MYO1B: variants seen among roughly 807,000 people sequenced by gnomAD.
MYO1B encodes unconventional myosin-Ib.
In MYO1B, 72 loss-of-function variants were observed where a neutral mutation model predicts 159.7. That is an observed-to-expected ratio of 0.45 (90% CI 0.37 to 0.55). The LOEUF (loss-of-function observed/expected upper bound fraction) is 0.55, where lower values mean the gene tolerates loss of function less well. Ranked by LOEUF, MYO1B falls within the 20% of genes least tolerant of loss-of-function variation. MYO1B has a pLI of 0.00. For synonymous variants in MYO1B, 468 were observed against 473.8 expected (o/e 0.99, Z 0.16); for missense variants, 1,062 against 1,364.8 (o/e 0.78, Z 3.50).
intron 22 of MYO1B, 96 bp downstream of exon 22, chr2:191,400,564 T>C: frequency 6.9e-7 from 1 of 1,444,838 alleles, no homozygotes; most frequent in Non-Finnish European, 9.7e-7. Context: ...TTTCACTGGC[T>C]TGAGCTACTG....
chr2:191,354,979 T>C (rs1693177306), intron 7 of MYO1B, among the ~76,000 whole-genome samples: 1 of 152,214 alleles, frequency 6.6e-6, no homozygotes, highest in Non-Finnish European at 1.5e-5. Flanking sequence ...TAATCCCCTC[T>C]CTCATTGATT....
At chr2:191,369,520 T>G (rs755176181) in intron 11 of MYO1B, 22 bp from the exon 12 acceptor site, 1 of 1,578,566 alleles carries the variant, frequency 6.3e-7, no homozygotes, top group Non-Finnish European at 8.7e-7. Flanking sequence ...GTGTTAAGTT[T>G]TGTTTGTTTG....
At chr2:191,356,662 AT>A (rs1298214819) in intron 7 of MYO1B, among the ~76,000 whole-genome samples, 1 of 152,206 alleles carries the variant, frequency 6.6e-6, no homozygotes, top group Non-Finnish European at 1.5e-5. Flanking sequence ...GAATTAATTT[AT>A]TCATTCGTTA....
In MYO1B at chr2:191,408,240, C is replaced by T. The variant is rs755058568; in HGVS notation, c.2631+51C>T. ...ATAATCAGCATTGTGGAATTACCCA[C>T]CTAATATCACCAACTCCATAAAATG... is the stretch of plus-strand genomic sequence containing the variant. On this transcript the variant is annotated intron_variant, in intron 25 of 30. Transcript: ENST00000392318. The T allele has an allele frequency of 2.2e-5, 29 of 1,289,760 alleles. 1 individual carries two copies. The South Asian group carries it at 3.4e-4, about 15-fold the overall frequency. The allele number at this position is 1,289,760 out of a possible 1,614,324, so 79.9% of individuals were successfully genotyped here. A position where few individuals can be genotyped will look rare whatever the true frequency, so the allele number is the denominator to read the frequency against.
At chr2:191,399,013 C>T (rs1431273215) in intron 21 of MYO1B, among the ~76,000 whole-genome samples, 4 of 152,274 alleles carry the variant, frequency 2.6e-5, no homozygotes, top group South Asian at 2.1e-4. Context: ...TCTGCAATCC[C>T]GGCACCTCGG....
intron 6 of MYO1B, among the ~76,000 whole-genome samples, chr2:191,348,083 C>G (rs1398842477): frequency 6.6e-6 from 1 of 152,158 alleles, no homozygotes; most frequent in Non-Finnish European, 1.5e-5. Flanking sequence ...TCTGAGTGGA[C>G]TAGTGACATG....
rs755608006 is a variant in MYO1B, at chr2:191,381,341, CCA to C, written c.1186-118_1186-117del. Reference sequence around the variant, plus strand: ...TCTGTCCTAGGAGCCGTGTGCTGGGCCACAGTTAAATCTGAGAGATCATGTGT... The same window carrying C: ...TCTGTCCTAGGAGCCGTGTGCTGGGCCAGTTAAATCTGAGAGATCATGTGT... On this transcript the variant is annotated intron_variant, in intron 13 of 30. Coordinates refer to ENST00000392318, the MANE Select transcript of MYO1B (RefSeq NM_001130158.3). 2.9e-5 allele frequency: 23 copies of C among 784,284 alleles called. 1 individual carries two copies. Among genetic ancestry groups the C allele is most frequent in the Non-Finnish European group, 5.1e-5 (23 of 450,178 alleles). The allele number at this position is 784,284 out of a possible 1,614,324, so 48.6% of individuals were successfully genotyped here.
intron 2 of MYO1B, among the ~76,000 whole-genome samples, chr2:191,287,866 CTT>C (rs11324783): frequency 1.9e-3 from 265 of 142,342 alleles, no homozygotes; most frequent in South Asian, 2.2e-3. Flanking sequence ...TGATCTCAGT[CTT>C]TTTTTTTTTT....
chr2:191,408,338 T>C (rs1697055240), intron 25 of MYO1B, 149 bp downstream of exon 25: 1 of 598,452 alleles, frequency 1.7e-6, no homozygotes, highest in South Asian at 2.3e-5. Flanking sequence ...GAGAGTTAGT[T>C]ATCTTTTAAA....
intron 5 of MYO1B, among the ~76,000 whole-genome samples, chr2:191,343,120 G>A (rs1692329740): frequency 6.6e-6 from 1 of 152,146 alleles, no homozygotes; most frequent in Non-Finnish European, 1.5e-5. Flanking sequence ...ACAGTTGAAA[G>A]TATCTCCAGA....
chr2:191,418,286 A>C (rs1697702134), intron 30 of MYO1B, among the ~76,000 whole-genome samples: 1 of 152,108 alleles, frequency 6.6e-6, no homozygotes, highest in African/African-American at 2.4e-5. Flanking sequence ...TTTATGTGTC[A>C]GCCCTAAGTG....
rs142862069 is a variant in MYO1B at position 191,332,648 on chromosome 2, T to C, written c.346+2619T>C. On this transcript the variant is annotated intron_variant, in intron 4 of 30. Transcript: ENST00000392318. Reference sequence around the variant, plus strand: ...ATAAGTATTTTTGTTATTTCAGTTTTTATGATGGGAAAATAGGAACACGGA... The same window carrying C: ...ATAAGTATTTTTGTTATTTCAGTTTCTATGATGGGAAAATAGGAACACGGA... 6.8e-3 allele frequency among the ~76,000 whole-genome samples: 1,035 copies of C among 152,294 alleles called. 11 individuals are homozygous for C. The highest frequency in any genetic ancestry group is 0.014 in the Middle Eastern group (4 of 294).
At chr2:191,329,906 A>G (rs1559173567) in intron 3 of MYO1B, 29 bp from the exon 4 acceptor site, 3 of 1,588,960 alleles carry the variant, frequency 1.9e-6, no homozygotes, top group Non-Finnish European at 2.6e-6. Context: ...TCTGAAGTCT[A>G]AGGAATTTTT....
chr2:191,353,274 TA>T (rs752397210), intron 7 of MYO1B, among the ~76,000 whole-genome samples: 63 of 152,362 alleles, frequency 4.1e-4, no homozygotes, highest in Non-Finnish European at 8.8e-4. Context: ...GTTGGTCTGA[TA>T]ACATTTATGT....
intron 1 of MYO1B, among the ~76,000 whole-genome samples, chr2:191,253,733 C>T (rs568886002): frequency 1.3e-3 from 199 of 152,332 alleles, no homozygotes; most frequent in Non-Finnish European, 2.2e-3. Context: ...TTTCCCCCCA[C>T]AGGTTAGCTT....
At chr2:191,306,238 G>T (rs570214257) in intron 3 of MYO1B, among the ~76,000 whole-genome samples, 1 of 152,212 alleles carries the variant, frequency 6.6e-6, no homozygotes, top group South Asian at 2.1e-4. Context: ...ATCGTCTAGG[G>T]GTAAGAGGGA....
chr2:191,335,044 C>G (rs192614199), intron 4 of MYO1B, among the ~76,000 whole-genome samples: 1 of 152,194 alleles, frequency 6.6e-6, no homozygotes, highest in East Asian at 1.9e-4. Context: ...TCACTCAAAG[C>G]ATTTGTGTTG....
intron 5 of MYO1B, among the ~76,000 whole-genome samples, chr2:191,343,166 CT>C (rs1692333759): frequency 1.3e-5 from 2 of 152,140 alleles, no homozygotes; most frequent in African/African-American, 4.8e-5. Flanking sequence ...CAGAACCACC[CT>C]TGATTAGAAT....
chr2:191,423,323 G>C (rs940971546), intron 30 of MYO1B, among the ~76,000 whole-genome samples: 1 of 152,146 alleles, frequency 6.6e-6, no homozygotes, highest in Non-Finnish European at 1.5e-5. Context: ...TATCTAAACA[G>C]AAAAAGTACA....
Sources: gnomAD v4.1 joint callset for allele counts (sites outside exome capture counted in the v4.1 genomes callset) on GRCh38, gnomAD v4.1.1 for gene constraint, MANE v1.5 for transcripts, NCBI Gene and HGNC (gene_info 2026-07-23, HGNC 2026-07-21) for gene names.